The following IQSEC2 variants were observed in gnomAD, a reference collection of about 807,000 sequenced individuals.
IQSEC2 encodes the protein IQ motif and SEC7 domain-containing protein 2.
IQSEC2 carries 6 observed loss-of-function variants against 74.6 expected under a neutral mutation model. That is an observed-to-expected ratio of 0.08 (90% confidence interval 0.04 to 0.16). The LOEUF (loss-of-function observed/expected upper bound fraction) is 0.16, where lower values mean the gene tolerates loss of function less well. IQSEC2 is among the 10% of genes least tolerant of loss of function. The pLI is 1.00. For missense variants in IQSEC2, 734 were observed against 1,306.2 expected (o/e 0.56, Z 6.75); for synonymous variants, 494 against 544.5 (o/e 0.91, Z 1.29).
chrX:53,286,109 G>A (rs1350792692), intron 2 of IQSEC2, among the ~76,000 whole-genome samples: 3 of 111,977 alleles, frequency 2.7e-5, no homozygotes, highest in Non-Finnish European at 5.6e-5. Flanking sequence ...GCCACCAAGA[G>A]CTGGGTAGCA....
intron 7 of IQSEC2, 109 bp from the exon 8 acceptor site, chrX:53,247,244 T>C (rs1182576341): frequency 1.3e-6 from 1 of 772,121 alleles, no homozygotes; most frequent in Non-Finnish European, 1.9e-6. Flanking sequence ...AATACTTTCT[T>C]GATCTCTGGG....
intron 1 of IQSEC2, among the ~76,000 whole-genome samples, chrX:53,308,806 A>C (rs1328131100): frequency 7.2e-5 from 8 of 110,598 alleles, no homozygotes; most frequent in Non-Finnish European, 1.3e-4. Flanking sequence ...AACTCTCAAA[A>C]TCTGGGAGGG....
chrX:53,275,542 T>C (rs1166864002), intron 2 of IQSEC2, among the ~76,000 whole-genome samples: 1 of 111,554 alleles, frequency 9.0e-6, no homozygotes, highest in Non-Finnish European at 1.9e-5. Flanking sequence ...CCATCTCATT[T>C]ATTGACTCCC....
At chrX:53,306,843 G>C (rs2075267122) in intron 1 of IQSEC2, among the ~76,000 whole-genome samples, 1 of 111,244 alleles carries the variant, frequency 9.0e-6, no homozygotes, top group African/African-American at 3.3e-5. Flanking sequence ...ACACCACTTA[G>C]GGGCTTGCAG....
intron 1 of IQSEC2, among the ~76,000 whole-genome samples, chrX:53,317,056 G>C (rs1231351840): frequency 2.7e-5 from 3 of 110,646 alleles, no homozygotes; most frequent in Admixed American, 9.6e-5. Context: ...AACTCAGCAG[G>C]GGCCCCTAGC....
chrX:53,306,282 C>T (rs1198583989), intron 1 of IQSEC2, among the ~76,000 whole-genome samples: 10 of 112,100 alleles, frequency 8.9e-5, no homozygotes, highest in Admixed American at 4.7e-4. Flanking sequence ...TTACAGCAGA[C>T]GGAGAGCCTC....
intron 1 of IQSEC2, among the ~76,000 whole-genome samples, chrX:53,309,735 G>C (rs2075303028): frequency 8.9e-6 from 1 of 112,071 alleles, no homozygotes; most frequent in African/African-American, 3.2e-5. Flanking sequence ...ATACCTGCTT[G>C]AGTCACAAAG....
intron 2 of IQSEC2, chrX:53,266,667 G>A (rs1274750005): frequency 7.0e-6 from 6 of 855,187 alleles, no homozygotes; most frequent in South Asian, 8.2e-5. Context: ...GTGGGAGTGC[G>A]GGTACGGGAG....
intron 6 of IQSEC2, 75 bp downstream of exon 6, chrX:53,248,646 G>GCTGC: frequency 3.7e-6 from 4 of 1,078,667 alleles, no homozygotes; most frequent in Non-Finnish European, 3.8e-6. Flanking sequence ...AAAGGGACAG[G>GCTGC]CTGCCCCCTT....
chrX:53,293,692 T>C (rs2075124129), intron 1 of IQSEC2, among the ~76,000 whole-genome samples: 2 of 111,144 alleles, frequency 1.8e-5, no homozygotes, highest in South Asian at 7.7e-4. Context: ...CACACATGTA[T>C]TCAGTCTGCT....
chrX:53,263,865 C>T (rs895988165), intron 2 of IQSEC2, among the ~76,000 whole-genome samples: 8 of 112,726 alleles, frequency 7.1e-5, no homozygotes, highest in Non-Finnish European at 1.3e-4. Context: ...ACACCCCCGT[C>T]CTGTTTCCCA....
intron 1 of IQSEC2, among the ~76,000 whole-genome samples, 154 bp from the exon 2 acceptor site, chrX:53,292,078 A>T (rs2075106181): frequency 8.9e-6 from 1 of 112,261 alleles, no homozygotes; most frequent in Admixed American, 9.5e-5. Flanking sequence ...AGAGAATAGC[A>T]AGTGCAAGGC....
intron 1 of IQSEC2, 145 bp from the exon 2 acceptor site, chrX:53,292,069 G>A: frequency 4.1e-6 from 2 of 486,182 alleles, no homozygotes; most frequent in South Asian, 7.8e-5. Context: ...GCGGAGAGAA[G>A]AGAATAGCAA....
chrX:53,284,934 G>T (rs962718546), intron 2 of IQSEC2, among the ~76,000 whole-genome samples: 30 of 112,301 alleles, frequency 2.7e-4, no homozygotes, highest in Middle Eastern at 4.6e-3. Flanking sequence ...CTCAGCTCTG[G>T]ACTTAAGCAA....
At chrX:53,286,625 G>C (rs2075028712) in intron 2 of IQSEC2, among the ~76,000 whole-genome samples, 1 of 111,489 alleles carries the variant, frequency 9.0e-6, no homozygotes, top group African/African-American at 3.3e-5. Context: ...GAGGAAGCTG[G>C]TCCAGAGAGA....
chrX:53,243,518 T>C, intron 8 of IQSEC2, 47 bp from the exon 9 acceptor site: 3 of 1,128,379 alleles, frequency 2.7e-6, no homozygotes, highest in Middle Eastern at 5.0e-4. Flanking sequence ...TTATGGGCAC[T>C]GGGTGGTAGG....
intron 1 of IQSEC2, among the ~76,000 whole-genome samples, chrX:53,305,458 G>T (rs782060110): frequency 1.8e-5 from 2 of 111,389 alleles, no homozygotes; most frequent in Non-Finnish European, 3.8e-5. Flanking sequence ...AAGCAATCCT[G>T]CCTTGGCCTC....
intron 3 of IQSEC2, among the ~76,000 whole-genome samples, 177 bp downstream of exon 3, chrX:53,255,623 G>C (rs2074454203): frequency 9.0e-6 from 1 of 111,379 alleles, no homozygotes; most frequent in East Asian, 2.8e-4. Context: ...ACAAGCCTCA[G>C]TGGATGGGTG....
At chrX:53,289,772 C>A (rs2075076960) in intron 2 of IQSEC2, among the ~76,000 whole-genome samples, 1 of 111,444 alleles carries the variant, frequency 9.0e-6, no homozygotes, top group Non-Finnish European at 1.9e-5. Flanking sequence ...CCTACAGCCT[C>A]CTTGACTCTG....
Sources: allele counts gnomAD v4.1 joint callset (sites outside exome capture counted in the v4.1 genomes callset), GRCh38; gene constraint gnomAD v4.1.1; transcripts MANE v1.5; gene names NCBI Gene and HGNC (gene_info 2026-07-23, HGNC 2026-07-21).